Variants in RAB15 observed in about 807,000 individuals in gnomAD.
RAB15 encodes the protein RAB15, member RAS oncogene family, also known as ras-related protein Rab-15.
RAB15 carries 13 observed loss-of-function variants against 31.8 expected under a neutral mutation model. The ratio of observed to expected loss-of-function variants is 0.41; its 90% CI spans 0.27 to 0.65. RAB15 has a LOEUF of 0.65. RAB15 is among the 30% of genes least tolerant of loss of function. The pLI, the probability that RAB15 is intolerant of heterozygous loss-of-function variation, is 0.32. For missense variants in RAB15, 220 were observed against 277.3 expected (o/e 0.79, Z 1.47); for synonymous variants, 100 against 105.6 (o/e 0.95, Z 0.33).
At chr14:64,966,051 C>T (rs1887120418) in intron 1 of RAB15, among the ~76,000 whole-genome samples, 1 of 152,052 alleles carries the variant, frequency 6.6e-6, no homozygotes, top group Non-Finnish European at 1.5e-5. Flanking sequence ...TCAGGTCACC[C>T]CACTGCTTCA....
At position 64,951,008 on chromosome 14, in the gene RAB15, C is replaced by T; in HGVS notation, c.324+66G>A. On this transcript the variant is annotated intron_variant, in intron 4 of 6. Transcript: ENST00000533601. The surrounding 1 kb of genome is among the most constrained non-coding windows in gnomAD (Gnocchi z 7.2). ...TGGAAGCATTTGCCTTCCCATCTGGCCCTCGCCTTGCCTTCCCCGGTGAGG... is the reference window on the plus strand; with the variant it reads ...TGGAAGCATTTGCCTTCCCATCTGGTCCTCGCCTTGCCTTCCCCGGTGAGG... 2 of 1,613,992 alleles carry T rather than the reference C, an allele frequency of 1.2e-6. No individual in the cohort carries two copies. The highest frequency in any genetic ancestry group is 1.7e-6 in the Non-Finnish European group (2 of 1,180,018).
rs1886231104 is a variant in RAB15 at position 64,951,222 on chromosome 14, T to C, written c.247-71A>G. The C allele has an allele frequency of 1.5e-6, 2 of 1,325,684 alleles. No homozygotes were observed. Among genetic ancestry groups the C allele is most frequent in the Non-Finnish European group, 2.1e-6 (2 of 938,726 alleles). The allele number at this position is 1,325,684 out of a possible 1,614,324, so 82.1% of individuals were successfully genotyped here. ...GCAGTCATGGGGCCAGAAGGGGCCG[T>C]GGAAACTTAAAGGTTGGGTCCCACT... On this transcript the variant is annotated intron_variant, in intron 3 of 6. Transcript: ENST00000533601. This position sits in a 1 kb window ranked among gnomAD's most constrained non-coding sequence, Gnocchi z 7.2.
rs1158226914 is a variant in RAB15, at chr14:64,948,755, GAA to G, written c.415-24_415-23del. On this transcript the variant is annotated intron_variant, in intron 5 of 6. Coordinates refer to ENST00000533601, the MANE Select transcript of RAB15 (RefSeq NM_001308154.2). The surrounding 1 kb of genome is among the most constrained non-coding windows in gnomAD (Gnocchi z 7.0). ...CCAGCTGCAAGAGAAGGACATTTCTGAAAGAGAGTCAGTAAGGCAGGGGAGGG... is the reference window on the plus strand; with the variant it reads ...CCAGCTGCAAGAGAAGGACATTTCTGAGAGAGTCAGTAAGGCAGGGGAGGG... The G allele has an allele frequency of 8.7e-7, 1 of 1,148,488 alleles. No homozygotes were observed. The highest frequency in any genetic ancestry group is 1.5e-5 in the African/African-American group (1 of 66,138). 71.1% of individuals were successfully genotyped at this position (1,148,488 alleles called of 1,614,324 possible).
rs1886142303 is a variant in RAB15 at position 64,949,762 on chromosome 14, C to A, written c.414+563G>T. Among the ~76,000 whole-genome samples, 3 of 151,050 alleles carry A rather than the reference C, an allele frequency of 2.0e-5. No individual in the cohort carries two copies. In the South Asian group the frequency reaches 6.3e-4, roughly 32 times the overall value. On this transcript the variant is annotated intron_variant, in intron 5 of 6. Coordinates refer to ENST00000533601, the MANE Select transcript of RAB15 (RefSeq NM_001308154.2). ...AAAGAAAGAAAGAAAAAAAAAATAA[C>A]CAATATTTCTTTCTGCTCTCTGGGA...
chr14:64,951,630 G>A lies in RAB15; in HGVS notation c.219C>T (p.Ile73=). 1 of 1,614,232 alleles carries A rather than the reference G, an allele frequency of 6.2e-7. No individual in the cohort carries two copies. Among genetic ancestry groups the A allele is most frequent in the Non-Finnish European group, 8.5e-7 (1 of 1,180,040 alleles). The change falls in exon 3 of 7, where the codon ATC becomes ATT. Residue 73 remains isoleucine, a synonymous_variant. Coordinates refer to ENST00000533601, the MANE Select transcript of RAB15 (RefSeq NM_001308154.2). The surrounding 1 kb of genome is among the most constrained non-coding windows in gnomAD (Gnocchi z 7.2). ...GGGCCCGCCGATAGTACTGCTTTGT[G>A]ATGGTCTGGTATCTCTCCTGCCCTG... The part of the protein sequence containing the change: ...DTAGQERYQT[I]TKQYYRRAQG...
intron 5 of RAB15, among the ~76,000 whole-genome samples, chr14:64,949,751 A>G (rs1886139649): frequency 6.6e-6 from 1 of 151,852 alleles, no homozygotes; most frequent in African/African-American, 2.4e-5. Flanking sequence ...AAAGAAAGAA[A>G]AAAAAAATAA....
At position 64,954,716 on chromosome 14, in the gene RAB15, A is replaced by AG. The variant is rs1339800245; in HGVS notation, c.125-2146dup. Among the ~76,000 whole-genome samples, 1 of 152,222 alleles carries AG rather than the reference A, an allele frequency of 6.6e-6. No homozygotes were observed. Among genetic ancestry groups the AG allele is most frequent in the African/African-American group, 2.4e-5 (1 of 41,456 alleles). On this transcript the variant is annotated intron_variant, in intron 1 of 6. Transcript: ENST00000533601. This position sits in a 1 kb window ranked among gnomAD's most constrained non-coding sequence, Gnocchi z 4.3. Reference sequence around the variant, plus strand: ...ACAGCACGTGCAGAGATTCCAACACAGGTCCATCTATGCTGGAACCCACGC... The same window carrying AG: ...ACAGCACGTGCAGAGATTCCAACACAGGGTCCATCTATGCTGGAACCCACGC...
chr14:64,959,391 G>C (rs574245331), intron 1 of RAB15, among the ~76,000 whole-genome samples: 6 of 152,266 alleles, frequency 3.9e-5, no homozygotes, highest in Non-Finnish European at 7.4e-5. Flanking sequence ...ATCGCTCCCT[G>C]CTCCTTACTG....
rs150990328 is a variant in RAB15 at position 64,959,953 on chromosome 14, C to T, written c.125-7382G>A. Among the ~76,000 whole-genome samples the T allele has an allele frequency of 1.2e-3, 175 of 151,616 alleles. 1 individual carries two copies. The highest frequency in any genetic ancestry group is 3.5e-3 in the African/African-American group (145 of 41,292). Reference sequence around the variant, plus strand: ...TGCCTGAGGCTTAAGAGCAGGGAGACGTGTCCTGCCACCTGATGCCTCAGA... The same window carrying T: ...TGCCTGAGGCTTAAGAGCAGGGAGATGTGTCCTGCCACCTGATGCCTCAGA... On this transcript the variant is annotated intron_variant, in intron 1 of 6. Transcript: ENST00000533601.
Position 64,951,523 on chromosome 14 carries a change from G to T in RAB15, c.246+80C>A. ...GGCGAACTGTATTTAGGGGATCCGT[G>T]GCACAGACATCTCAAATACCCAGAG... On this transcript the variant is annotated intron_variant, in intron 3 of 6. Coordinates refer to ENST00000533601, the MANE Select transcript of RAB15 (RefSeq NM_001308154.2). The surrounding 1 kb of genome is among the most constrained non-coding windows in gnomAD (Gnocchi z 7.2). The T allele has an allele frequency of 7.8e-7, 1 of 1,283,040 alleles. No homozygotes were observed. The allele number at this position is 1,283,040 out of a possible 1,614,324, so 79.5% of individuals were successfully genotyped here. A position where few individuals can be genotyped will look rare whatever the true frequency, so the allele number is the denominator to read the frequency against.
At chr14:64,966,560 A>G (rs768161394) in intron 1 of RAB15, among the ~76,000 whole-genome samples, 3 of 151,942 alleles carry the variant, frequency 2.0e-5, no homozygotes, top group Non-Finnish European at 4.4e-5. Context: ...AAATAATAAT[A>G]ATGATAATAT....
chr14:64,950,653 C>G lies in RAB15; in HGVS notation c.325-239G>C, dbSNP rs1047484442. The G allele has an allele frequency of 1.7e-6, 1 of 600,324 alleles. No individual in the cohort carries two copies. Among genetic ancestry groups the G allele is most frequent in the Admixed American group, 2.9e-5 (1 of 33,966 alleles). 37.2% of individuals were successfully genotyped at this position (600,324 alleles called of 1,614,324 possible). On this transcript the variant is annotated intron_variant, in intron 4 of 6. Coordinates refer to ENST00000533601, the MANE Select transcript of RAB15 (RefSeq NM_001308154.2). This position sits in a 1 kb window ranked among gnomAD's most constrained non-coding sequence, Gnocchi z 5.6. ...ACTGGTGCTTCCTTGGGTTAGACCA[C>G]TGGTATCAGAGCTGGAAAGGACATT...
At position 64,948,511 on chromosome 14, in the gene RAB15, G is replaced by A; in HGVS notation, c.482C>T (p.Ser161Leu). 6.2e-7 allele frequency: 1 copy of A among 1,605,834 alleles called. No homozygotes were observed. The highest frequency in any genetic ancestry group is 8.5e-7 in the Non-Finnish European group (1 of 1,176,016). ...SACTNLNIKESFTRLTELVLQ... is the reference protein window; with the variant it reads ...SACTNLNIKELFTRLTELVLQ... ...CACCAGCTCTGTCAGACGCGTGAAT[G>A]ACTGGAAACCAAAGGGCACAGGTTA... The change falls in exon 7 of 7, where the codon TCA (serine) becomes TTA (leucine). Residue 161 changes from serine to leucine, a missense_variant and splice_region_variant. Coordinates refer to ENST00000533601, the MANE Select transcript of RAB15 (RefSeq NM_001308154.2). This position sits in a 1 kb window ranked among gnomAD's most constrained non-coding sequence, Gnocchi z 7.0.
rs199979215 is a variant in RAB15, at chr14:64,966,522, C to CAA, written c.124+5429_124+5430dup. 1.3e-4 allele frequency among the ~76,000 whole-genome samples: 19 copies of CAA among 143,038 alleles called. 1 individual carries two copies. The highest frequency in any genetic ancestry group is 4.5e-5 in the Non-Finnish European group (3 of 66,446). 93.8% of individuals were successfully genotyped at this position (143,038 alleles called of 152,430 possible). On this transcript the variant is annotated intron_variant, in intron 1 of 6. Coordinates refer to ENST00000533601, the MANE Select transcript of RAB15 (RefSeq NM_001308154.2). ...TGGGCGACAGAGAGATACTCGGTCT[C>CAA]AAAAAAAAATAAATAAATAAATAAA...
chr14:64,956,721 G>A (rs546653663), intron 1 of RAB15, among the ~76,000 whole-genome samples: 6 of 152,172 alleles, frequency 3.9e-5, no homozygotes, highest in East Asian at 1.9e-4. Context: ...TGACCTTGAC[G>A]TGCCTAGACC....
rs1414657968 is a variant in RAB15 at position 64,946,926 on chromosome 14, T to A, written c.*1428A>T. 6.6e-6 allele frequency: 1 copy of A among 152,622 alleles called. No homozygotes were observed. The highest frequency in any genetic ancestry group is 6.5e-5 in the Admixed American group (1 of 15,286). 9.5% of individuals were successfully genotyped at this position (152,622 alleles called of 1,614,324 possible). Reference sequence around the variant, plus strand: ...GCCATATGGGGTTAAAGAAACTTCCTGAACATAGCACTCTGGAGGAAGGAG... The same window carrying A: ...GCCATATGGGGTTAAAGAAACTTCCAGAACATAGCACTCTGGAGGAAGGAG... On this transcript the variant is annotated 3_prime_UTR_variant, in exon 7 of 7. Transcript: ENST00000533601.
Position 64,953,999 on chromosome 14 carries a change from C to G in RAB15, c.125-1428G>C. On this transcript the variant is annotated intron_variant, in intron 1 of 6. Transcript: ENST00000533601. The surrounding 1 kb of genome is among the most constrained non-coding windows in gnomAD (Gnocchi z 4.6). ...AGACATCTTCCCTTATCTGTGCTGT[C>G]CCCAGCTTTCTACAAAGGCAAACAA... is the stretch of plus-strand genomic sequence containing the variant. 1 of 985,430 alleles carries G rather than the reference C, an allele frequency of 1.0e-6. No individual in the cohort carries two copies. Among genetic ancestry groups the G allele is most frequent in the Non-Finnish European group, 1.2e-6 (1 of 829,942 alleles). The allele number at this position is 985,430 out of a possible 1,614,324, so 61.0% of individuals were successfully genotyped here. A position where few individuals can be genotyped will look rare whatever the true frequency, so the allele number is the denominator to read the frequency against.
intron 1 of RAB15, among the ~76,000 whole-genome samples, chr14:64,966,264 A>G (rs1037064325): frequency 6.6e-6 from 1 of 152,182 alleles, no homozygotes; most frequent in African/African-American, 2.4e-5. Context: ...GTGTTCAGCA[A>G]ATAGCGCCTG....
chr14:64,964,612 G>A (rs1005012880), intron 1 of RAB15, among the ~76,000 whole-genome samples: 1 of 151,236 alleles, frequency 6.6e-6, no homozygotes, highest in Non-Finnish European at 1.5e-5. Context: ...GTCTTGCTCT[G>A]TCGCCCAGGC....
Sources: gnomAD v4.1 joint callset for allele counts (sites outside exome capture counted in the v4.1 genomes callset) on GRCh38, gnomAD v4.1.1 for gene constraint, Gnocchi (gnomAD v3.1) non-coding constraint, MANE v1.5 for transcripts, NCBI Gene and HGNC (gene_info 2026-07-23, HGNC 2026-07-21) for gene names.